SDCCAG8: variants seen among roughly 807,000 people sequenced by gnomAD.
The protein encoded by SDCCAG8 is serologically defined colon cancer antigen 8.
In SDCCAG8, 74 loss-of-function variants were observed where a neutral mutation model predicts 101.8. That is an observed-to-expected ratio of 0.73 (90% CI 0.60 to 0.88). The LOEUF (loss-of-function observed/expected upper bound fraction) is 0.88, where lower values mean the gene tolerates loss of function less well. Among genes scored for constraint, SDCCAG8 ranks in the 40% least tolerant of loss-of-function variants. The pLI, the probability that SDCCAG8 is intolerant of heterozygous loss-of-function variation, is 0.00. For synonymous variants in SDCCAG8, 281 were observed against 292.9 expected (o/e 0.96, Z 0.41); for missense variants, 787 against 822.6 (o/e 0.96, Z 0.53).
At chr1:243,296,100 A>G (rs930248093) in intron 6 of SDCCAG8, among the ~76,000 whole-genome samples, 1 of 152,048 alleles carries the variant, frequency 6.6e-6, no homozygotes, top group African/African-American at 2.4e-5. Flanking sequence ...GGTTCAAGCA[A>G]TTCGCCTGCC....
At chr1:243,419,162 C>T (rs61270917) in intron 15 of SDCCAG8, among the ~76,000 whole-genome samples, 4,722 of 152,062 alleles carry the variant, frequency 0.031, 291 homozygotes, top group East Asian at 0.25. Flanking sequence ...CCCTGCTCAC[C>T]AGGAAGGCAG....
chr1:243,468,224 T>A (rs1248242971), intron 16 of SDCCAG8, among the ~76,000 whole-genome samples: 1 of 151,698 alleles, frequency 6.6e-6, no homozygotes, highest in Non-Finnish European at 1.5e-5. Flanking sequence ...TTCAAAGGTT[T>A]TTTTTTTTTT....
intron 9 of SDCCAG8, 52 bp downstream of exon 9, chr1:243,316,945 T>G (rs944285202): frequency 2.6e-6 from 4 of 1,566,866 alleles, no homozygotes; most frequent in Non-Finnish European, 3.5e-6. Flanking sequence ...TTTTCTTTTT[T>G]CTTCTGAGTA....
intron 16 of SDCCAG8, among the ~76,000 whole-genome samples, chr1:243,438,116 G>A (rs940080222): frequency 2.0e-5 from 3 of 152,168 alleles, no homozygotes; most frequent in East Asian, 1.9e-4. Flanking sequence ...ACCTCGGAGG[G>A]GGAAGCTGCT....
rs1240936076 is a variant in SDCCAG8, at chr1:243,293,235, C to T, written c.675+16C>T. On this transcript the variant is annotated intron_variant, in intron 6 of 17. Transcript: ENST00000366541. The stretch of plus-strand genomic sequence containing the variant: ...GCTAGAACTGGTGAGTATTTGGGTG[C>T]TTTTCTCTTATACATCTTTTTTTTC... 6 of 1,613,070 alleles carry T rather than the reference C, an allele frequency of 3.7e-6. No homozygotes were observed. The South Asian group carries it at 6.6e-5, about 18-fold the overall frequency.
At chr1:243,353,796 A>G (rs1022020358) in intron 12 of SDCCAG8, among the ~76,000 whole-genome samples, 8 of 152,194 alleles carry the variant, frequency 5.3e-5, no homozygotes, top group African/African-American at 1.9e-4. Flanking sequence ...GCAGTCAGGC[A>G]CAGAAGTCAT....
chr1:243,415,807 G>A lies in SDCCAG8; in HGVS notation c.1722G>A (p.Met574Ile), dbSNP rs756420930. 1.9e-6 allele frequency: 3 copies of A among 1,613,520 alleles called. No homozygotes were observed. Among genetic ancestry groups the A allele is most frequent in the African/African-American group, 2.7e-5 (2 of 74,904 alleles). Residue 574 changes from methionine to isoleucine, a missense_variant, in exon 14 of 18, where the codon ATG becomes ATA. Transcript: ENST00000366541. Reference sequence around the variant, plus strand: ...AGCTGACACAGAAGATACAGCAAATGGAGGCCCAGCATGACAAAACTGGTA... The same window carrying A: ...AGCTGACACAGAAGATACAGCAAATAGAGGCCCAGCATGACAAAACTGGTA... ...EQELTQKIQQ[M>I]EAQHDKTENE...
chr1:243,275,898 A>C (rs991112243), intron 4 of SDCCAG8, among the ~76,000 whole-genome samples: 1 of 112,224 alleles, frequency 8.9e-6, no homozygotes, highest in African/African-American at 3.6e-5. Flanking sequence ...GGAGTCTCGC[A>C]TTGTCGCCAG....
intron 13 of SDCCAG8, among the ~76,000 whole-genome samples, chr1:243,408,988 T>C (rs2079978294): frequency 6.6e-6 from 1 of 152,128 alleles, no homozygotes; most frequent in Admixed American, 6.6e-5. Context: ...GGTGATAAGG[T>C]GGTAGATGCC....
At chr1:243,312,619 T>C (rs1573197916) in intron 8 of SDCCAG8, among the ~76,000 whole-genome samples, 1 of 151,914 alleles carries the variant, frequency 6.6e-6, no homozygotes, top group East Asian at 1.9e-4. Flanking sequence ...GGCAGGAGAA[T>C]TGCTTGAACC....
Position 243,389,032 on chromosome 1 carries a change from C to T in SDCCAG8, c.1616+10169C>T, listed in dbSNP as rs182763516. 3.5e-4 allele frequency among the ~76,000 whole-genome samples: 53 copies of T among 150,936 alleles called. No individual in the cohort carries two copies. The East Asian group carries it at 8.3e-3, about 24-fold the overall frequency. On this transcript the variant is annotated intron_variant, in intron 13 of 17. Coordinates refer to ENST00000366541, the MANE Select transcript of SDCCAG8 (RefSeq NM_006642.5). ...CTATTTGGGAGGCTACGTGGTGGTG[C>T]GTGCCTGTAGTCCTGGCTACTTGGG...
intron 17 of SDCCAG8, among the ~76,000 whole-genome samples, chr1:243,490,054 G>A (rs185841831): frequency 6.6e-6 from 1 of 152,306 alleles, no homozygotes; most frequent in East Asian, 1.9e-4. Context: ...GAGTGCCCTG[G>A]GGACTTCAGG....
chr1:243,343,153 G>A (rs1452018136), intron 11 of SDCCAG8, among the ~76,000 whole-genome samples: 1 of 152,196 alleles, frequency 6.6e-6, no homozygotes, highest in Non-Finnish European at 1.5e-5. Flanking sequence ...TTATACCTTA[G>A]TCTATTCTAA....
intron 1 of SDCCAG8, among the ~76,000 whole-genome samples, chr1:243,262,341 A>G (rs61833909): frequency 8.7e-6 from 1 of 115,012 alleles, no homozygotes. Flanking sequence ...CCTGGCCTCA[A>G]GTGATCCACC....
At chr1:243,440,450 G>C (rs541087560) in intron 16 of SDCCAG8, among the ~76,000 whole-genome samples, 1 of 152,278 alleles carries the variant, frequency 6.6e-6, no homozygotes, top group Admixed American at 6.5e-5. Flanking sequence ...TTTGTTCCAA[G>C]GCAGACCCTT....
intron 8 of SDCCAG8, among the ~76,000 whole-genome samples, chr1:243,311,264 G>C (rs1296419405): frequency 6.6e-6 from 1 of 151,862 alleles, no homozygotes; most frequent in Non-Finnish European, 1.5e-5. Flanking sequence ...ATTAATGTTG[G>C]ACCATCTCCA....
At chr1:243,429,371 C>T (rs1475964921) in intron 16 of SDCCAG8, among the ~76,000 whole-genome samples, 1 of 151,982 alleles carries the variant, frequency 6.6e-6, no homozygotes, top group Non-Finnish European at 1.5e-5. Flanking sequence ...TTCTGGTCAA[C>T]AGTAGGCTGT....
chr1:243,489,373 A>G (rs1334931882), intron 17 of SDCCAG8, among the ~76,000 whole-genome samples: 1 of 152,206 alleles, frequency 6.6e-6, no homozygotes, highest in African/African-American at 2.4e-5. Context: ...CCGGCCCGCG[A>G]ATCAACGAAC....
chr1:243,337,995 A>G (rs535670643), intron 10 of SDCCAG8, among the ~76,000 whole-genome samples: 27 of 152,178 alleles, frequency 1.8e-4, no homozygotes, highest in African/African-American at 6.3e-4. Flanking sequence ...ATCATAGCTC[A>G]TCGTATCCTC....
Sources: gnomAD v4.1 joint callset for allele counts (sites outside exome capture counted in the v4.1 genomes callset) on GRCh38, gnomAD v4.1.1 for gene constraint, MANE v1.5 for transcripts, NCBI Gene and HGNC (gene_info 2026-07-23, HGNC 2026-07-21) for gene names.